Variants in GALNT17 observed in about 807,000 individuals in gnomAD.
GALNT17 encodes the protein polypeptide N-acetylgalactosaminyltransferase 17, also known as UDP-GalNAc:polypeptide N-acetylgalactosaminyltransferase-like 3.
A neutral mutation model predicts 63.7 loss-of-function variants in GALNT17; 29 were observed. The ratio of observed to expected loss-of-function variants is 0.46; its 90% CI spans 0.34 to 0.62. The LOEUF is 0.62. Ranked by LOEUF, GALNT17 falls within the 20% of genes least tolerant of loss-of-function variation. The probability of loss-of-function intolerance (pLI) is 0.01; values close to 1 mark genes in which losing one functional copy is unlikely to be tolerated. For missense variants in GALNT17, 603 were observed against 799.6 expected (o/e 0.75, Z 2.97); for synonymous variants, 305 against 318.3 (o/e 0.96, Z 0.45).
chr7:71,335,416 T>G, intron 1 of GALNT17, 134 bp from the exon 2 acceptor site: 1 of 879,702 alleles, frequency 1.1e-6, no homozygotes. Flanking sequence ...TATACCTGAG[T>G]TGGATAAATT....
intron 5 of GALNT17, among the ~76,000 whole-genome samples, chr7:71,529,688 G>T (rs1244092071): frequency 3.3e-5 from 5 of 152,092 alleles, no homozygotes; most frequent in African/African-American, 1.2e-4. Context: ...TTTTTTCTTT[G>T]CATAAAGGGA....
At chr7:71,480,209 A>G (rs1230280484) in intron 5 of GALNT17, among the ~76,000 whole-genome samples, 1 of 115,522 alleles carries the variant, frequency 8.7e-6, no homozygotes, top group Non-Finnish European at 1.6e-5. Context: ...TCTGTCACTC[A>G]GGCTGGAGTG....
chr7:71,711,895 CTCTT>C, intron 10 of GALNT17, 119 bp from the exon 11 acceptor site: 1 of 1,099,166 alleles, frequency 9.1e-7, no homozygotes, highest in Non-Finnish European at 1.3e-6. Flanking sequence ...TCTTTCTCTT[CTCTT>C]TTTCTTTTTC....
chr7:71,284,046 C>T (rs1436933317), intron 1 of GALNT17: 1 of 151,974 alleles, frequency 6.6e-6, no homozygotes, highest in South Asian at 2.1e-4. Context: ...GCAGGGAAGC[C>T]CGCAGCTGCA....
intron 6 of GALNT17, among the ~76,000 whole-genome samples, chr7:71,618,065 T>C (rs1487164607): frequency 1.3e-5 from 2 of 152,162 alleles, no homozygotes; most frequent in Non-Finnish European, 2.9e-5. Flanking sequence ...AGTGAGAACA[T>C]GCAGGATTTG....
At chr7:71,298,386 A>AG (rs1791122654) in intron 1 of GALNT17, among the ~76,000 whole-genome samples, 2 of 80 alleles carry the variant, frequency 0.025, no homozygotes, top group South Asian at 0.5. Context: ...AAAAACAATC[A>AG]GAACAGAAAA....
intron 5 of GALNT17, among the ~76,000 whole-genome samples, chr7:71,516,906 C>T (rs1199962705): frequency 6.6e-6 from 1 of 152,164 alleles, no homozygotes; most frequent in Non-Finnish European, 1.5e-5. Context: ...CAGGGTCATG[C>T]TTGGTTTCTC....
At position 71,397,673 on chromosome 7, in the gene GALNT17, G is replaced by A. The variant is rs150517634; in HGVS notation, c.589+9272G>A. 2.4e-4 allele frequency among the ~76,000 whole-genome samples: 37 copies of A among 152,274 alleles called. No homozygotes were observed. The East Asian group carries it at 4.4e-3, about 18-fold the overall frequency. Reference sequence around the variant, plus strand: ...GCCTCTGTGGCTGTGCGTTGTTGTCGTCTTGGATCTCCCTTCACTGTCTTC... The same window carrying A: ...GCCTCTGTGGCTGTGCGTTGTTGTCATCTTGGATCTCCCTTCACTGTCTTC... On this transcript the variant is annotated intron_variant, in intron 3 of 10. Transcript: ENST00000333538.
intron 9 of GALNT17, among the ~76,000 whole-genome samples, chr7:71,696,063 A>G (rs1262975651): frequency 6.6e-6 from 1 of 152,226 alleles, no homozygotes; most frequent in Non-Finnish European, 1.5e-5. Context: ...GAATTAATGG[A>G]ATATATCTCT....
At chr7:71,700,910 A>C (rs10085425) in intron 9 of GALNT17, among the ~76,000 whole-genome samples, 9 of 152,110 alleles carry the variant, frequency 5.9e-5, no homozygotes, top group Non-Finnish European at 1.0e-4. Context: ...TCATTCATTC[A>C]TGATGTCAAC....
chr7:71,271,598 C>T (rs1042252068), intron 1 of GALNT17, among the ~76,000 whole-genome samples: 3 of 152,188 alleles, frequency 2.0e-5, no homozygotes, highest in African/African-American at 4.8e-5. Context: ...AATTTACAGG[C>T]GATAACATTC....
intron 5 of GALNT17, among the ~76,000 whole-genome samples, chr7:71,458,352 G>A (rs1006511762): frequency 2.0e-5 from 3 of 152,176 alleles, no homozygotes; most frequent in Non-Finnish European, 1.5e-5. Flanking sequence ...AATAGGACGG[G>A]GAGCAAGTAA....
intron 6 of GALNT17, among the ~76,000 whole-genome samples, chr7:71,656,561 G>C (rs868156335): frequency 8.5e-5 from 13 of 152,226 alleles, no homozygotes; most frequent in Middle Eastern, 3.4e-3. Context: ...GTTCCACCCT[G>C]GCTGCTGAGC....
chr7:71,144,597 C>T (rs149128243), intron 1 of GALNT17, among the ~76,000 whole-genome samples: 270 of 152,048 alleles, frequency 1.8e-3, no homozygotes, highest in Admixed American at 3.5e-3. Context: ...GTTCATATGC[C>T]CACTGCTCAG....
At chr7:71,249,394 C>T (rs1472803084) in intron 1 of GALNT17, among the ~76,000 whole-genome samples, 1 of 152,052 alleles carries the variant, frequency 6.6e-6, no homozygotes, top group Non-Finnish European at 1.5e-5. Context: ...ATTGCATACC[C>T]CTATTGGTGA....
chr7:71,502,924 T>C (rs1444570997), intron 5 of GALNT17, among the ~76,000 whole-genome samples: 1 of 152,204 alleles, frequency 6.6e-6, no homozygotes, highest in Non-Finnish European at 1.5e-5. Flanking sequence ...GAGATGGCTC[T>C]TAATAGGCAC....
chr7:71,523,634 TGA>T (rs1788565968), intron 5 of GALNT17, among the ~76,000 whole-genome samples: 1 of 151,358 alleles, frequency 6.6e-6, no homozygotes, highest in South Asian at 2.1e-4. Flanking sequence ...CCCCACTATT[TGA>T]GAAGCTGAAG....
At chr7:71,483,333 G>A (rs763097163) in intron 5 of GALNT17, among the ~76,000 whole-genome samples, 20 of 152,024 alleles carry the variant, frequency 1.3e-4, no homozygotes, top group Admixed American at 3.9e-4. Context: ...AGCCTGGCGT[G>A]GTGGCAGGTG....
rs1269607497 is a variant in GALNT17, at chr7:71,292,674, T to A, written c.239-42876T>A. On this transcript the variant is annotated intron_variant, in intron 1 of 10. Coordinates refer to ENST00000333538, the MANE Select transcript of GALNT17 (RefSeq NM_022479.3). ...GAGACAGAGAGAGAGAGAGAGTGTGTGTGTGTGTGTGTGTGTGTGTGTGTG... is the reference window on the plus strand; with the variant it reads ...GAGACAGAGAGAGAGAGAGAGTGTGAGTGTGTGTGTGTGTGTGTGTGTGTG... 2.3e-3 allele frequency among the ~76,000 whole-genome samples: 214 copies of A among 91,288 alleles called. 3 individuals are homozygous for A. The East Asian group carries it at 0.034, about 14-fold the overall frequency. 59.9% of individuals were successfully genotyped at this position (91,288 alleles called of 152,430 possible). A position where few individuals can be genotyped will look rare whatever the true frequency, so the allele number is the denominator to read the frequency against.
Sources: allele counts gnomAD v4.1 joint callset (sites outside exome capture counted in the v4.1 genomes callset), GRCh38; gene constraint gnomAD v4.1.1; transcripts MANE v1.5; gene names NCBI Gene and HGNC (gene_info 2026-07-23, HGNC 2026-07-21).